The following LUZP2 variants were observed in gnomAD, a reference collection of about 807,000 sequenced individuals.
LUZP2 encodes the protein leucine zipper protein 2.
A neutral mutation model predicts 51.6 loss-of-function variants in LUZP2; 52 were observed. The ratio of observed to expected loss-of-function variants is 1.01; its 90% CI spans 0.81 to 1.27. The LOEUF (loss-of-function observed/expected upper bound fraction) is 1.27, where lower values mean the gene tolerates loss of function less well. LUZP2 is among the 50% of genes most tolerant of loss of function. LUZP2 has a pLI of 0.00. For missense variants in LUZP2, 436 were observed against 395.4 expected (o/e 1.10, Z -0.87); for synonymous variants, 154 against 137.3 (o/e 1.12, Z -0.85).
chr11:25,008,710 A>C (rs1438576967), intron 9 of LUZP2, among the ~76,000 whole-genome samples: 1 of 152,096 alleles, frequency 6.6e-6, no homozygotes, highest in Non-Finnish European at 1.5e-5. Context: ...GGCAGTGTAG[A>C]AGAAGTTTAT....
At chr11:24,875,820 T>A (rs996736465) in intron 5 of LUZP2, among the ~76,000 whole-genome samples, 1 of 152,204 alleles carries the variant, frequency 6.6e-6, no homozygotes, top group South Asian at 2.1e-4. Context: ...TGGTATCTCA[T>A]TGTGGTTTTG....
chr11:24,559,566 G>A (rs1001492182), intron 1 of LUZP2, among the ~76,000 whole-genome samples: 1 of 152,108 alleles, frequency 6.6e-6, no homozygotes, highest in East Asian at 1.9e-4. Context: ...TCTTTTCCAT[G>A]CCAAGTTACC....
intron 1 of LUZP2, among the ~76,000 whole-genome samples, chr11:24,527,978 C>G (rs545104633): frequency 4.6e-5 from 7 of 151,310 alleles, no homozygotes; most frequent in South Asian, 4.2e-4. Flanking sequence ...ACTGCAAATT[C>G]ACAGGGCTGG....
intron 1 of LUZP2, among the ~76,000 whole-genome samples, chr11:24,713,212 A>G (rs1308845371): frequency 6.6e-6 from 1 of 152,180 alleles, no homozygotes; most frequent in East Asian, 1.9e-4. Context: ...TCACTTAACA[A>G]AATTATTTAT....
intron 1 of LUZP2, among the ~76,000 whole-genome samples, chr11:24,541,257 GAAAAA>G (rs3077907): frequency 1.8e-5 from 2 of 114,212 alleles, no homozygotes; most frequent in African/African-American, 6.7e-5. Flanking sequence ...TCATCTCAAG[GAAAAA>G]AAAAAAAAAA....
intron 5 of LUZP2, among the ~76,000 whole-genome samples, chr11:24,870,266 C>A (rs1027701311): frequency 6.6e-6 from 1 of 152,122 alleles, no homozygotes; most frequent in Non-Finnish European, 1.5e-5. Flanking sequence ...AACCACATTG[C>A]CTAAGCCTCT....
intron 10 of LUZP2, among the ~76,000 whole-genome samples, chr11:25,054,289 A>T (rs1858611952): frequency 6.6e-6 from 1 of 152,228 alleles, no homozygotes; most frequent in Admixed American, 6.5e-5. Context: ...CAGAACCTGA[A>T]GTCCTAATTT....
At chr11:24,806,587 C>A (rs12287022) in intron 5 of LUZP2, among the ~76,000 whole-genome samples, 1 of 151,794 alleles carries the variant, frequency 6.6e-6, no homozygotes, top group East Asian at 1.9e-4. Context: ...ATTCTCACTA[C>A]AAAGAAAAAG....
chr11:24,993,735 T>C (rs530933404), intron 9 of LUZP2, among the ~76,000 whole-genome samples: 2 of 152,318 alleles, frequency 1.3e-5, no homozygotes, highest in South Asian at 4.1e-4. Flanking sequence ...TTAAGCTGTG[T>C]CTTTGTGCAA....
At chr11:24,937,832 C>T (rs1240693092) in intron 7 of LUZP2, among the ~76,000 whole-genome samples, 1 of 149,392 alleles carries the variant, frequency 6.7e-6, no homozygotes, top group East Asian at 2.0e-4. Flanking sequence ...ACCCGGGAGG[C>T]GGAGCTGGCA....
At chr11:24,926,771 G>T (rs1311033271) in intron 7 of LUZP2, among the ~76,000 whole-genome samples, 1 of 151,138 alleles carries the variant, frequency 6.6e-6, no homozygotes, top group African/African-American at 2.4e-5. Context: ...GGGATTGCTG[G>T]ATCAAATGGT....
At chr11:24,846,010 A>G (rs1198261344) in intron 5 of LUZP2, among the ~76,000 whole-genome samples, 5 of 152,118 alleles carry the variant, frequency 3.3e-5, no homozygotes, top group African/African-American at 2.4e-5. Flanking sequence ...TAGACATTAT[A>G]TTTTTATGGT....
At chr11:24,803,217 T>C (rs1733318546) in intron 5 of LUZP2, among the ~76,000 whole-genome samples, 1 of 152,040 alleles carries the variant, frequency 6.6e-6, no homozygotes, top group Admixed American at 6.6e-5. Context: ...CATGAATTGA[T>C]ATTTCCCCAA....
chr11:25,005,756 T>C (rs542612780), intron 9 of LUZP2, among the ~76,000 whole-genome samples: 1 of 152,264 alleles, frequency 6.6e-6, no homozygotes, highest in East Asian at 1.9e-4. Flanking sequence ...AGGTCGGATT[T>C]AGTGGCCCTT....
intron 1 of LUZP2, among the ~76,000 whole-genome samples, chr11:24,593,228 CTCTA>C (rs1366096453): frequency 6.6e-6 from 1 of 152,122 alleles, no homozygotes; most frequent in Non-Finnish European, 1.5e-5. Context: ...TTTTATTACT[CTCTA>C]TCTTATATTG....
intron 4 of LUZP2, among the ~76,000 whole-genome samples, chr11:24,754,892 T>C (rs1162406665): frequency 6.6e-6 from 1 of 152,152 alleles, no homozygotes; most frequent in Non-Finnish European, 1.5e-5. Flanking sequence ...ACATCTGTAA[T>C]CCCAGCATTT....
At chr11:24,914,032 G>C (rs1853719419) in intron 6 of LUZP2, among the ~76,000 whole-genome samples, 3 of 151,930 alleles carry the variant, frequency 2.0e-5, no homozygotes, top group Admixed American at 2.0e-4. Flanking sequence ...AGCTTTTCTT[G>C]CTTCCGATCA....
At chr11:24,765,068 G>C (rs1387369555) in intron 5 of LUZP2, among the ~76,000 whole-genome samples, 1 of 151,944 alleles carries the variant, frequency 6.6e-6, no homozygotes, top group Non-Finnish European at 1.5e-5. Context: ...AACCAAAAAA[G>C]CTTTGGTCTT....
chr11:24,827,692 C>T (rs559456722), intron 5 of LUZP2, among the ~76,000 whole-genome samples: 13 of 152,038 alleles, frequency 8.6e-5, no homozygotes, highest in Non-Finnish European at 1.8e-4. Flanking sequence ...GGCTTGTGGT[C>T]TATTATCAAC....
Sources: allele counts gnomAD v4.1 joint callset (sites outside exome capture counted in the v4.1 genomes callset), GRCh38; gene constraint gnomAD v4.1.1; transcripts MANE v1.5; gene names NCBI Gene and HGNC (gene_info 2026-07-23, HGNC 2026-07-21).